GNB5: variants seen among roughly 807,000 people sequenced by gnomAD.
The protein encoded by GNB5 is guanine nucleotide-binding protein subunit beta-5.
GNB5 carries 37 observed loss-of-function variants against 55.3 expected under a neutral mutation model. The observed-to-expected ratio is 0.67, with a 90% confidence interval of 0.51 to 0.88. GNB5 has a LOEUF of 0.88. GNB5 is among the 40% of genes least tolerant of loss of function. GNB5 has a pLI of 0.00. For missense variants in GNB5, 476 were observed against 515.3 expected, an observed-to-expected ratio of 0.92 and a Z score of 0.74; for synonymous variants, 219 against 198.5, an observed-to-expected ratio of 1.10 and a Z score of -0.87.
At chr15:52,137,987 A>G (rs561219719) in intron 7 of GNB5, 2 of 1,283,980 alleles carry the variant, frequency 1.6e-6, no homozygotes, top group East Asian at 1.1e-4. Context: ...CACCGCTAGC[A>G]TGCAATGCAA....
In GNB5 at chr15:52,147,476, T is replaced by C; in HGVS notation, c.477A>G (p.Gly159=). The C allele has an allele frequency of 6.2e-6, 10 of 1,603,298 alleles. No homozygotes were observed. The highest frequency in any genetic ancestry group is 8.5e-6 in the Non-Finnish European group (10 of 1,170,130). ...CAACTTACCCACAAGCAATGGCACA[T>C]CCCGATGGGGCATAAGCACATGCCA... The part of the protein sequence containing the change: ...WVMACAYAPS[G]CAIACGGLDN... Residue 159 remains glycine, a synonymous_variant, in exon 6 of 13, where the codon GGA becomes GGG. Transcript: ENST00000261837.
Position 52,132,357 on chromosome 15 carries a change from C to T in GNB5, c.863+1021G>A, listed in dbSNP as rs545428268. ...TGACATTTCTCTGTCTCCACCATGT[C>T]TTCCTTAGTTCCAGTCACCATCATT... On this transcript the variant is annotated intron_variant, in intron 9 of 12. Transcript: ENST00000261837. 5.1e-4 allele frequency among the ~76,000 whole-genome samples: 78 copies of T among 152,328 alleles called. 4 individuals are homozygous for T. The highest frequency in any genetic ancestry group is 3.6e-3 in the Admixed American group (55 of 15,294).
rs573551670 is a variant in GNB5, at chr15:52,141,403, T to C, written c.495-131A>G. 1.0e-5 allele frequency: 7 copies of C among 681,198 alleles called. No homozygotes were observed. In the Admixed American group the frequency reaches 1.5e-4, roughly 15 times the overall value. The allele number at this position is 681,198 out of a possible 1,614,324, so 42.2% of individuals were successfully genotyped here. The stretch of plus-strand genomic sequence containing the variant: ...ATATATTGTACCCTTTCCTCCAACT[T>C]TTACTTTGAAGATTTTCTTTTCTTT... On this transcript the variant is annotated intron_variant, in intron 6 of 12. Coordinates refer to ENST00000261837, the MANE Select transcript of GNB5 (RefSeq NM_016194.4).
Position 52,121,705 on chromosome 15 carries a change from C to G in GNB5, c.*1052G>C, listed in dbSNP as rs1261380144. 6.6e-6 allele frequency: 1 copy of G among 151,914 alleles called. No homozygotes were observed. Among genetic ancestry groups the G allele is most frequent in the Non-Finnish European group, 1.5e-5 (1 of 67,994 alleles). The allele number at this position is 151,914 out of a possible 1,614,324, so 9.4% of individuals were successfully genotyped here. A position where few individuals can be genotyped will look rare whatever the true frequency, so the allele number is the denominator to read the frequency against. On this transcript the variant is annotated 3_prime_UTR_variant, in exon 13 of 13. Transcript: ENST00000261837. ...GCAAGCTCCACCTCCCGGGTTCACG[C>G]CATTCTCCTGCCTCAGCCTCTCCGA...
At chr15:52,164,862 T>C (rs998688668) in intron 3 of GNB5, among the ~76,000 whole-genome samples, 2 of 152,004 alleles carry the variant, frequency 1.3e-5, no homozygotes, top group Non-Finnish European at 2.9e-5. Flanking sequence ...GAGGCTGAGA[T>C]AGAGGAAGTG....
intron 6 of GNB5, among the ~76,000 whole-genome samples, chr15:52,143,072 T>C (rs1008841641): frequency 1.3e-5 from 2 of 151,950 alleles, no homozygotes; most frequent in Non-Finnish European, 2.9e-5. Context: ...GGAGAATTGC[T>C]TGAACCTGGG....
intron 6 of GNB5, among the ~76,000 whole-genome samples, chr15:52,144,651 A>C (rs1431478295): frequency 6.6e-6 from 1 of 152,132 alleles, no homozygotes; most frequent in East Asian, 1.9e-4. Context: ...TGGATGCATC[A>C]TATCAGGTCT....
intron 4 of GNB5, among the ~76,000 whole-genome samples, chr15:52,150,371 G>A (rs994916899): frequency 1.8e-4 from 27 of 152,014 alleles, no homozygotes; most frequent in African/African-American, 5.8e-4. Flanking sequence ...TCCTTTCCCC[G>A]ATTTGCTTTG....
intron 7 of GNB5, 170 bp from the exon 8 acceptor site, chr15:52,135,926 A>T (rs2033696796): frequency 1.7e-6 from 1 of 593,400 alleles, no homozygotes; most frequent in Non-Finnish European, 2.8e-6. Context: ...CATGCACAGA[A>T]ATCTCTCTCC....
In GNB5 at chr15:52,116,468, C is replaced by A. The variant is rs1596042810; in HGVS notation, c.*6289G>T. On this transcript the variant is annotated 3_prime_UTR_variant, in exon 13 of 13. Transcript: ENST00000261837. ...TTTAAAAATAATGATCTTTAATTGA[C>A]ACATAATTGTATGTATTTATGGGGT... is the stretch of plus-strand genomic sequence containing the variant. 6.6e-6 allele frequency: 1 copy of A among 152,096 alleles called. No homozygotes were observed. Among genetic ancestry groups the A allele is most frequent in the Non-Finnish European group, 1.5e-5 (1 of 68,040 alleles). The allele number at this position is 152,096 out of a possible 1,614,324, so 9.4% of individuals were successfully genotyped here. A position where few individuals can be genotyped will look rare whatever the true frequency, so the allele number is the denominator to read the frequency against.
intron 6 of GNB5, among the ~76,000 whole-genome samples, chr15:52,141,766 T>A (rs2033860273): frequency 6.6e-6 from 1 of 152,176 alleles, no homozygotes; most frequent in Admixed American, 6.5e-5. Context: ...CAAATTTACA[T>A]CTCCTAAAAA....
chr15:52,184,748 C>G (rs1210023459), intron 1 of GNB5, 54 bp from the exon 2 acceptor site: 9 of 1,479,378 alleles, frequency 6.1e-6, no homozygotes, highest in Non-Finnish European at 8.4e-6. Flanking sequence ...ATGGTTTTAA[C>G]TTTCTAAAAT....
intron 3 of GNB5, among the ~76,000 whole-genome samples, chr15:52,155,273 G>T (rs2141216473): frequency 6.6e-6 from 1 of 152,336 alleles, no homozygotes; most frequent in South Asian, 2.1e-4. Flanking sequence ...CAAGGCAGCT[G>T]CCCCTCATGT....
intron 3 of GNB5, among the ~76,000 whole-genome samples, chr15:52,169,155 C>T (rs1184228153): frequency 6.6e-6 from 1 of 152,080 alleles, no homozygotes; most frequent in Non-Finnish European, 1.5e-5. Flanking sequence ...GAAACCCCGT[C>T]TCTACTAAAA....
intron 6 of GNB5, among the ~76,000 whole-genome samples, chr15:52,146,453 T>C (rs561728121): frequency 3.3e-5 from 5 of 152,234 alleles, no homozygotes; most frequent in Non-Finnish European, 7.3e-5. Context: ...TTTCACACAG[T>C]GTAATTGAGA....
intron 3 of GNB5, among the ~76,000 whole-genome samples, chr15:52,164,183 C>G (rs888489206): frequency 3.3e-5 from 5 of 151,864 alleles, no homozygotes; most frequent in African/African-American, 1.2e-4. Flanking sequence ...TGGCGGGCGC[C>G]TGTAATCCCA....
intron 1 of GNB5, among the ~76,000 whole-genome samples, chr15:52,190,117 A>AATTT (rs1566953519): frequency 6.9e-6 from 1 of 143,954 alleles, no homozygotes; most frequent in Non-Finnish European, 1.5e-5. Context: ...ATCTCAATAA[A>AATTT]TTTTTTTTTT....
chr15:52,185,419 A>G (rs2034830781), intron 1 of GNB5, among the ~76,000 whole-genome samples: 1 of 152,226 alleles, frequency 6.6e-6, no homozygotes, highest in Admixed American at 6.5e-5. Context: ...GAATGATAAG[A>G]GTCAGTGCGT....
intron 9 of GNB5, among the ~76,000 whole-genome samples, chr15:52,131,253 T>C (rs970517515): frequency 3.3e-5 from 5 of 152,228 alleles, no homozygotes; most frequent in African/African-American, 1.2e-4. Flanking sequence ...GTACTGAACC[T>C]TTTTTCTTGT....
Sources: gnomAD v4.1 joint callset for allele counts (sites outside exome capture counted in the v4.1 genomes callset) on GRCh38, gnomAD v4.1.1 for gene constraint, MANE v1.5 for transcripts, NCBI Gene and HGNC (gene_info 2026-07-23, HGNC 2026-07-21) for gene names.